The following SPSB3 variants were observed in gnomAD, a reference collection of about 807,000 sequenced individuals.
SPSB3 encodes the protein splA/ryanodine receptor domain and SOCS box containing 3, also known as SPRY domain-containing SOCS box protein 3.
A neutral mutation model predicts 29.5 loss-of-function variants in SPSB3; 18 were observed. The ratio of observed to expected loss-of-function variants is 0.61; its 90% CI spans 0.42 to 0.91. The LOEUF is 0.91. SPSB3 is among the 40% of genes least tolerant of loss of function. SPSB3 has a pLI of 0.00. For missense variants in SPSB3, 540 were observed against 507.5 expected (o/e 1.06, Z -0.61); for synonymous variants, 299 against 214.1 (o/e 1.40, Z -3.46).
Position 1,778,614 on chromosome 16 carries a change from T to C in SPSB3, c.127-2A>G. On this transcript the variant is annotated splice_acceptor_variant, in intron 2 of 6. Coordinates refer to ENST00000566339, the MANE Select transcript of SPSB3 (RefSeq NM_080861.4). LOFTEE classifies it high-confidence loss of function. ...GGGGTCGGAGTCCGAGTCGCTGTGC[T>C]GGGAGAGAAGGGCCGGCTGTTACTA... The C allele has an allele frequency of 6.5e-7, 1 of 1,544,996 alleles. No homozygotes were observed. Among genetic ancestry groups the C allele is most frequent in the Non-Finnish European group, 8.7e-7 (1 of 1,143,958 alleles).
At chr16:1,781,982 C>G (rs1221839805) in intron 1 of SPSB3, 1 of 183,212 alleles carries the variant, frequency 5.5e-6, no homozygotes, top group African/African-American at 2.4e-5. Flanking sequence ...AGCTCGCCTT[C>G]CCCTCCGCTC....
chr16:1,779,527 A>T (rs147751468), intron 2 of SPSB3: 6 of 152,428 alleles, frequency 3.9e-5, no homozygotes, highest in East Asian at 3.9e-4. Context: ...AGGGCAGGAC[A>T]CTGTCCTTTC....
rs768217922 is a variant in SPSB3 at position 1,781,157 on chromosome 16, G to A, written c.126+201C>T. ...GTTCTGAGGTCCTGTCACCCCTGAG[G>A]CTGTGTGTGTCCTTTGCCAAATTAA... On this transcript the variant is annotated intron_variant, in intron 2 of 6. Transcript: ENST00000566339. The A allele has an allele frequency of 2.9e-5, 45 of 1,527,028 alleles. 1 individual carries two copies. Among genetic ancestry groups the A allele is most frequent in the Non-Finnish European group, 3.9e-5 (45 of 1,141,062 alleles). 94.6% of individuals were successfully genotyped at this position (1,527,028 alleles called of 1,614,324 possible).
At chr16:1,781,957 T>C in intron 1 of SPSB3, 1 of 189,758 alleles carries the variant, frequency 5.3e-6, no homozygotes, top group Non-Finnish European at 1.1e-5. Context: ...CCCGCCACCG[T>C]CTCCTGGGCC....
At chr16:1,777,685 CG>C in intron 6 of SPSB3, 61 bp downstream of exon 6, 1 of 1,594,876 alleles carries the variant, frequency 6.3e-7, no homozygotes. Context: ...TGGGCTGGGG[CG>C]GGGTGGCTGC....
intron 6 of SPSB3, 95 bp from the exon 7 acceptor site, chr16:1,777,538 G>A (rs567814458): frequency 1.4e-5 from 20 of 1,379,818 alleles, no homozygotes; most frequent in African/African-American, 8.7e-5. Context: ...ACCCGGGTGG[G>A]CAGCTGGCAC....
At position 1,776,783 on chromosome 16, in the gene SPSB3, C is replaced by G; in HGVS notation, c.*314G>C. On this transcript the variant is annotated 3_prime_UTR_variant, in exon 7 of 7. Coordinates refer to ENST00000566339, the MANE Select transcript of SPSB3 (RefSeq NM_080861.4). Reference sequence around the variant, plus strand: ...ATGACGGCGGGGCAGCCGCTGACAGCATGCAGAGCAAGTTAGGAAAAACCG... The same window carrying G: ...ATGACGGCGGGGCAGCCGCTGACAGGATGCAGAGCAAGTTAGGAAAAACCG... The G allele has an allele frequency of 2.2e-6, 1 of 464,586 alleles. No individual in the cohort carries two copies. Among genetic ancestry groups the G allele is most frequent in the Non-Finnish European group, 3.8e-6 (1 of 260,064 alleles). 28.8% of individuals were successfully genotyped at this position (464,586 alleles called of 1,614,324 possible). A position where few individuals can be genotyped will look rare whatever the true frequency, so the allele number is the denominator to read the frequency against.
chr16:1,778,430 C>A lies in SPSB3; in HGVS notation c.304+5G>T. The A allele has an allele frequency of 6.2e-7, 1 of 1,607,654 alleles. No homozygotes were observed. Among genetic ancestry groups the A allele is most frequent in the Non-Finnish European group, 8.5e-7 (1 of 1,177,158 alleles). ...GTCCCAGCAGGGGCTGGGCCCCACG[C>A]TCACACTCGTCTTCCTCTCCGCAGC... On this transcript the variant is annotated splice_donor_5th_base_variant and intron_variant, in intron 3 of 6. Transcript: ENST00000566339.
chr16:1,779,426 G>A (rs900352417), intron 2 of SPSB3: 1 of 152,458 alleles, frequency 6.6e-6, no homozygotes, highest in Non-Finnish European at 1.5e-5. Flanking sequence ...GGTCCAGAGA[G>A]ATGATGTGAT....
intron 2 of SPSB3, 127 bp downstream of exon 2, chr16:1,781,231 C>T: frequency 6.3e-7 from 1 of 1,589,752 alleles, no homozygotes; most frequent in Non-Finnish European, 8.5e-7. Context: ...CAGGTTTGGA[C>T]TGGTCCTCTA....
At chr16:1,781,090 C>A (rs1277347013) in intron 2 of SPSB3, 1 of 1,297,314 alleles carries the variant, frequency 7.7e-7, no homozygotes, top group Non-Finnish European at 1.0e-6. Context: ...TCTCCATGCA[C>A]CATGTGTTTC....
Position 1,778,425 on chromosome 16 carries a change from C to T in SPSB3, c.304+10G>A, listed in dbSNP as rs748784762. 2 of 1,607,034 alleles carry T rather than the reference C, an allele frequency of 1.2e-6. No individual in the cohort carries two copies. The highest frequency in any genetic ancestry group is 1.7e-6 in the Non-Finnish European group (2 of 1,176,924). On this transcript the variant is annotated intron_variant, in intron 3 of 6. Coordinates refer to ENST00000566339, the MANE Select transcript of SPSB3 (RefSeq NM_080861.4). ...GTGCAGTCCCAGCAGGGGCTGGGCC[C>T]CACGCTCACACTCGTCTTCCTCTCC...
rs142249448 is a variant in SPSB3, at chr16:1,781,421, G to A, written c.63C>T (p.Asp21=). The part of the protein sequence containing the change: ...WHFVLSAARR[D]ADARAVALAG... ...CTAGAGCCACGGCCCGGGCATCTGC[G>A]TCTCGGCGGGCTGCACTCAGGACGA... Residue 21 remains aspartate, a synonymous_variant, in exon 2 of 7, where the codon GAC becomes GAT. Coordinates refer to ENST00000566339, the MANE Select transcript of SPSB3 (RefSeq NM_080861.4). 14 of 1,612,818 alleles carry A rather than the reference G, an allele frequency of 8.7e-6. No homozygotes were observed. The highest frequency in any genetic ancestry group is 3.3e-5 in the Admixed American group (2 of 60,014).
intron 1 of SPSB3, 79 bp from the exon 2 acceptor site, chr16:1,781,574 CCACT>C (rs1390760045): frequency 2.7e-6 from 4 of 1,507,098 alleles, no homozygotes; most frequent in Non-Finnish European, 3.6e-6. Context: ...GGCCACGGAC[CCACT>C]CAAAGTGGGG....
In SPSB3 at chr16:1,777,887, G is replaced by A. The variant is rs1210588865; in HGVS notation, c.596-15C>T. The A allele has an allele frequency of 6.2e-7, 1 of 1,611,898 alleles. No individual in the cohort carries two copies. Among genetic ancestry groups the A allele is most frequent in the Non-Finnish European group, 8.5e-7 (1 of 1,179,678 alleles). On this transcript the variant is annotated splice_polypyrimidine_tract_variant and intron_variant, in intron 5 of 6. Coordinates refer to ENST00000566339, the MANE Select transcript of SPSB3 (RefSeq NM_080861.4). ...GTGGAGGAGGCCTGGGGGCAGCCAG[G>A]GTCGCAGTGAGCCCGGGAGCTCCAG...
rs1175094853 is a variant in SPSB3, at chr16:1,776,735, A to G, written c.*362T>C. 6.6e-5 allele frequency: 23 copies of G among 350,650 alleles called. No homozygotes were observed. In the Admixed American group the frequency reaches 9.9e-4, roughly 15 times the overall value. 21.7% of individuals were successfully genotyped at this position (350,650 alleles called of 1,614,324 possible). ...TGTGGGTGTTAGACATCAACTCTACATTTATTGCAGTCCTTTAAGTCTATG... is the reference window on the plus strand; with the variant it reads ...TGTGGGTGTTAGACATCAACTCTACGTTTATTGCAGTCCTTTAAGTCTATG... On this transcript the variant is annotated 3_prime_UTR_variant, in exon 7 of 7. Coordinates refer to ENST00000566339, the MANE Select transcript of SPSB3 (RefSeq NM_080861.4).
chr16:1,777,697 C>T (rs780899903), intron 6 of SPSB3, 50 bp downstream of exon 6: 1 of 1,599,382 alleles, frequency 6.3e-7, no homozygotes, highest in Non-Finnish European at 8.5e-7. Context: ...GGGTGGCTGC[C>T]TCCCTCGGGG....
At chr16:1,781,147 C>T (rs1295507327) in intron 2 of SPSB3, 2 of 1,518,770 alleles carry the variant, frequency 1.3e-6, no homozygotes, top group South Asian at 2.4e-5. Flanking sequence ...GAGGTCCTGT[C>T]ACCCCTGAGG....
intron 6 of SPSB3, 71 bp from the exon 7 acceptor site, chr16:1,777,514 C>G: frequency 7.0e-7 from 1 of 1,421,050 alleles, no homozygotes; most frequent in Non-Finnish European, 9.3e-7. Flanking sequence ...CCCCTCAGAC[C>G]TCACGCTACA....
Sources: allele counts gnomAD v4.1 joint callset, GRCh38; gene constraint gnomAD v4.1.1; transcripts MANE v1.5; gene names NCBI Gene and HGNC (gene_info 2026-07-23, HGNC 2026-07-21).